AGBL4: variants seen among roughly 807,000 people sequenced by gnomAD.
AGBL4 encodes the protein AGBL carboxypeptidase 4, also known as cytosolic carboxypeptidase 6.
In AGBL4, 58 loss-of-function variants were observed where a neutral mutation model predicts 66.4. The ratio of observed to expected loss-of-function variants is 0.87; its 90% confidence interval spans 0.71 to 1.09. AGBL4 has a LOEUF of 1.09. AGBL4 is among the 50% of genes least tolerant of loss of function. The probability of loss-of-function intolerance (pLI) is 0.00; values close to 1 mark genes in which losing one functional copy is unlikely to be tolerated. For missense variants in AGBL4, 579 were observed against 631.0 expected, an observed-to-expected ratio of 0.92 and a Z score of 0.88; for synonymous variants, 234 against 222.9, an observed-to-expected ratio of 1.05 and a Z score of -0.44.
chr1:49,948,727 A>G (rs1444514900), intron 1 of AGBL4, among the ~76,000 whole-genome samples: 1 of 150,844 alleles, frequency 6.6e-6, no homozygotes, highest in Non-Finnish European at 1.5e-5. Flanking sequence ...ATGTTCATGG[A>G]TGGGTAGAAT....
chr1:49,285,480 C>G, intron 3 of AGBL4, among the ~76,000 whole-genome samples: 1 of 152,018 alleles, frequency 6.6e-6, no homozygotes, highest in Non-Finnish European at 1.5e-5. Flanking sequence ...CAAGAGCAAA[C>G]ACATTCAAAA....
At chr1:49,822,401 T>C (rs1645393679) in intron 2 of AGBL4, among the ~76,000 whole-genome samples, 1 of 152,014 alleles carries the variant, frequency 6.6e-6, no homozygotes, top group South Asian at 2.1e-4. Flanking sequence ...TGATCTAGGC[T>C]CACTGCAACC....
chr1:49,167,785 C>G (rs1220426222), intron 4 of AGBL4, among the ~76,000 whole-genome samples: 3 of 152,190 alleles, frequency 2.0e-5, no homozygotes, highest in Non-Finnish European at 4.4e-5. Context: ...CAAATCCATG[C>G]TTCATGAAAC....
chr1:49,724,227 A>C (rs976658907), intron 2 of AGBL4, among the ~76,000 whole-genome samples: 1 of 152,218 alleles, frequency 6.6e-6, no homozygotes, highest in Non-Finnish European at 1.5e-5. Context: ...TCTTACATCT[A>C]ATGGAAATGT....
intron 3 of AGBL4, among the ~76,000 whole-genome samples, chr1:49,341,350 G>A (rs1196301823): frequency 6.6e-6 from 1 of 152,140 alleles, no homozygotes; most frequent in Non-Finnish European, 1.5e-5. Flanking sequence ...GTGGTAGAGT[G>A]TATTTTATCG....
At chr1:49,277,780 G>T (rs2148398349) in intron 3 of AGBL4, among the ~76,000 whole-genome samples, 1 of 149,118 alleles carries the variant, frequency 6.7e-6, no homozygotes, top group South Asian at 2.1e-4. Flanking sequence ...CAGCCCAACT[G>T]TCCTCCCACT....
chr1:49,430,157 A>G (rs1195653905), intron 3 of AGBL4, among the ~76,000 whole-genome samples: 1 of 152,000 alleles, frequency 6.6e-6, no homozygotes, highest in Non-Finnish European at 1.5e-5. Flanking sequence ...CCGGCCACAT[A>G]TACCATTTCC....
chr1:48,773,018 G>A lies in AGBL4; in HGVS notation c.634+94173C>T, dbSNP rs150933463. On this transcript the variant is annotated intron_variant, in intron 6 of 13. Transcript: ENST00000371839. ...ACATAGCAGGACATGAAAAGTCAACGCCTGCCACCCCTGGGTCGTGCTGTC... is the reference window on the plus strand; with the variant it reads ...ACATAGCAGGACATGAAAAGTCAACACCTGCCACCCCTGGGTCGTGCTGTC... Among the ~76,000 whole-genome samples the A allele has an allele frequency of 1.2e-4, 18 of 152,134 alleles. No individual in the cohort carries two copies. In the East Asian group the frequency reaches 3.1e-3, roughly 26 times the overall value.
chr1:49,062,202 T>C (rs1379838690), intron 4 of AGBL4, among the ~76,000 whole-genome samples: 1 of 152,128 alleles, frequency 6.6e-6, no homozygotes, highest in Admixed American at 6.5e-5. Flanking sequence ...ATAAAATGGG[T>C]TGCTGGTGCC....
intron 1 of AGBL4, among the ~76,000 whole-genome samples, chr1:49,911,468 C>G (rs577928489): frequency 2.0e-5 from 3 of 152,158 alleles, no homozygotes; most frequent in Non-Finnish European, 4.4e-5. Flanking sequence ...AAATCATGCT[C>G]ATTGAATGGT....
chr1:49,041,992 A>G (rs1243870986), intron 5 of AGBL4, among the ~76,000 whole-genome samples: 1 of 152,154 alleles, frequency 6.6e-6, no homozygotes, highest in Non-Finnish European at 1.5e-5. Context: ...GCTTTTAAAG[A>G]CATTCTCCAT....
chr1:48,525,381 T>C, the AGBL4 span, among the ~76,000 whole-genome samples: 2 of 151,982 alleles, frequency 1.3e-5, no homozygotes, highest in African/African-American at 2.4e-5. Flanking sequence ...CAGAGAGGAA[T>C]GGGGAGGTGC....
At chr1:49,500,234 T>G (rs907069973) in intron 3 of AGBL4, among the ~76,000 whole-genome samples, 1 of 152,052 alleles carries the variant, frequency 6.6e-6, no homozygotes, top group African/African-American at 2.4e-5. Context: ...TTTGTTTTCT[T>G]CTTGCTGATT....
chr1:48,909,081 C>G (rs1277462934), intron 5 of AGBL4, among the ~76,000 whole-genome samples: 2 of 152,074 alleles, frequency 1.3e-5, no homozygotes, highest in Non-Finnish European at 2.9e-5. Flanking sequence ...GCAAATCCTT[C>G]CAGTCCCTTT....
chr1:49,864,277 G>C (rs573355935), intron 1 of AGBL4, among the ~76,000 whole-genome samples: 1 of 152,176 alleles, frequency 6.6e-6, no homozygotes, highest in Non-Finnish European at 1.5e-5. Context: ...ATAGTCAGTG[G>C]CTGACAGGCA....
chr1:48,693,271 C>T (rs1410328681), intron 6 of AGBL4, among the ~76,000 whole-genome samples: 1 of 152,094 alleles, frequency 6.6e-6, no homozygotes, highest in Non-Finnish European at 1.5e-5. Flanking sequence ...TATCTGAAGA[C>T]TATTTGCACA....
chr1:49,876,220 G>C (rs1647001358), intron 1 of AGBL4, among the ~76,000 whole-genome samples: 1 of 126,726 alleles, frequency 7.9e-6, no homozygotes, highest in Non-Finnish European at 1.7e-5. Context: ...TTTTGGACAT[G>C]AAGTCCTTGC....
intron 6 of AGBL4, among the ~76,000 whole-genome samples, chr1:48,772,839 C>A (rs1309945586): frequency 6.6e-6 from 1 of 152,218 alleles, no homozygotes; most frequent in Non-Finnish European, 1.5e-5. Context: ...AAAAGATAAA[C>A]TGCAAAGCCC....
Position 49,194,863 on chromosome 1 carries a change from G to T in AGBL4, c.377+50907C>A, listed in dbSNP as rs373287278. On this transcript the variant is annotated intron_variant, in intron 4 of 13. Transcript: ENST00000371839. ...TCTGTTTTTTTTTTTTTTGAGTCAG[G>T]GTATTTCTCTGTCTCCCAGGCTAGA... Among the ~76,000 whole-genome samples the T allele has an allele frequency of 3.3e-5, 5 of 150,724 alleles. No individual in the cohort carries two copies. In the East Asian group the frequency reaches 7.8e-4, roughly 23 times the overall value.
Sources: allele counts gnomAD v4.1 joint callset (sites outside exome capture counted in the v4.1 genomes callset), GRCh38; gene constraint gnomAD v4.1.1; transcripts MANE v1.5; gene names NCBI Gene and HGNC (gene_info 2026-07-23, HGNC 2026-07-21).